HCN1: variants seen among roughly 807,000 people sequenced by gnomAD.
The protein encoded by HCN1 is hyperpolarization activated cyclic nucleotide gated potassium channel 1.
HCN1 carries 13 observed loss-of-function variants against 78.9 expected under a neutral mutation model. That is an observed-to-expected ratio of 0.16 (90% CI 0.11 to 0.26). HCN1 has a LOEUF of 0.26. HCN1 is among the 10% of genes least tolerant of loss of function. The pLI is 1.00. For missense variants in HCN1, 810 were observed against 1,154.3 expected, an observed-to-expected ratio of 0.70 and a Z score of 4.32; for synonymous variants, 552 against 455.5, an observed-to-expected ratio of 1.21 and a Z score of -2.70.
At chr5:45,506,235 T>C (rs920018111) in intron 2 of HCN1, among the ~76,000 whole-genome samples, 22 of 152,154 alleles carry the variant, frequency 1.4e-4, no homozygotes, top group African/African-American at 5.3e-4. Context: ...AAATTAATTA[T>C]GGTATTGTCA....
At chr5:45,646,957 C>CT (rs1348762150) in intron 1 of HCN1, among the ~76,000 whole-genome samples, 1 of 151,976 alleles carries the variant, frequency 6.6e-6, no homozygotes, top group Non-Finnish European at 1.5e-5. Context: ...ATGAATACTC[C>CT]TACTTAGACT....
At chr5:45,367,119 A>G (rs1412835175) in intron 4 of HCN1, among the ~76,000 whole-genome samples, 1 of 151,820 alleles carries the variant, frequency 6.6e-6, no homozygotes, top group African/African-American at 2.4e-5. Context: ...TTATTAGAAG[A>G]AAGTGCAAAG....
At chr5:45,588,052 G>A (rs1744271581) in intron 2 of HCN1, among the ~76,000 whole-genome samples, 1 of 152,132 alleles carries the variant, frequency 6.6e-6, no homozygotes, top group Non-Finnish European at 1.5e-5. Context: ...TCAGAATTGT[G>A]AGAGATACAT....
At chr5:45,319,508 C>A (rs1408934629) in intron 5 of HCN1, among the ~76,000 whole-genome samples, 3 of 151,742 alleles carry the variant, frequency 2.0e-5, no homozygotes, top group African/African-American at 7.3e-5. Context: ...AGATGAATAG[C>A]CTGTTTTGTG....
At chr5:45,266,044 C>G (rs897807935) in intron 7 of HCN1, among the ~76,000 whole-genome samples, 1 of 151,996 alleles carries the variant, frequency 6.6e-6, no homozygotes, top group Non-Finnish European at 1.5e-5. Context: ...GGGAGGGTGG[C>G]AAAGAGGGTT....
intron 5 of HCN1, among the ~76,000 whole-genome samples, chr5:45,349,676 A>AAATG (rs1746842016): frequency 6.6e-6 from 1 of 152,176 alleles, no homozygotes; most frequent in Non-Finnish European, 1.5e-5. Flanking sequence ...ATGCAACAAA[A>AAATG]AATGATAAAG....
At chr5:45,484,311 T>C (rs1311011376) in intron 2 of HCN1, among the ~76,000 whole-genome samples, 1 of 152,030 alleles carries the variant, frequency 6.6e-6, no homozygotes, top group Non-Finnish European at 1.5e-5. Flanking sequence ...GATAGGTGCC[T>C]GTAGTCCCAG....
Position 45,383,722 on chromosome 5 carries a change from CA to C in HCN1, c.1230+12769del, listed in dbSNP as rs35225342. Reference sequence around the variant, plus strand: ...AGGGTGACAGAGACAGATTCTGTTTCAAAAAAAAAAAATCCATGAAGAAATA... The same window carrying C: ...AGGGTGACAGAGACAGATTCTGTTTCAAAAAAAAAAATCCATGAAGAAATA... On this transcript the variant is annotated intron_variant, in intron 4 of 7. Coordinates refer to ENST00000303230, the MANE Select transcript of HCN1 (RefSeq NM_021072.4). Among the ~76,000 whole-genome samples the C allele has an allele frequency of 3.6e-3, 503 of 140,110 alleles. 1 individual carries two copies. The highest frequency in any genetic ancestry group is 0.012 in the East Asian group (58 of 4,848). The allele number at this position is 140,110 out of a possible 152,430, so 91.9% of individuals were successfully genotyped here.
At chr5:45,449,393 C>T (rs1445958018) in intron 3 of HCN1, among the ~76,000 whole-genome samples, 2 of 152,120 alleles carry the variant, frequency 1.3e-5, no homozygotes, top group Non-Finnish European at 2.9e-5. Flanking sequence ...TTAACTCTAA[C>T]CAACAAATTC....
intron 4 of HCN1, among the ~76,000 whole-genome samples, chr5:45,387,160 A>G (rs1442841256): frequency 1.3e-5 from 2 of 151,914 alleles, no homozygotes; most frequent in African/African-American, 2.4e-5. Flanking sequence ...TCATATATAT[A>G]TCAAAAGTTT....
chr5:45,296,172 A>T (rs1204136202), intron 6 of HCN1, among the ~76,000 whole-genome samples: 5 of 151,984 alleles, frequency 3.3e-5, no homozygotes, highest in Non-Finnish European at 7.4e-5. Flanking sequence ...GTTGGGTTAA[A>T]CAAATAACAA....
chr5:45,303,083 A>G (rs899050604), intron 6 of HCN1, among the ~76,000 whole-genome samples: 1 of 152,134 alleles, frequency 6.6e-6, no homozygotes, highest in Non-Finnish European at 1.5e-5. Flanking sequence ...TACATTTTGC[A>G]GCCTTCCTTA....
chr5:45,539,815 C>T (rs908822529), intron 2 of HCN1, among the ~76,000 whole-genome samples: 6 of 146,650 alleles, frequency 4.1e-5, no homozygotes, highest in African/African-American at 1.5e-4. Context: ...CATATGCACA[C>T]ATATACATAC....
intron 2 of HCN1, among the ~76,000 whole-genome samples, chr5:45,577,758 C>G (rs1743978269): frequency 6.6e-6 from 1 of 151,984 alleles, no homozygotes; most frequent in African/African-American, 2.4e-5. Flanking sequence ...CATGAAGTAG[C>G]TTTTCTTATA....
intron 2 of HCN1, among the ~76,000 whole-genome samples, chr5:45,496,286 A>T (rs1012682543): frequency 7.3e-5 from 11 of 149,710 alleles, no homozygotes; most frequent in Non-Finnish European, 1.5e-4. Flanking sequence ...AGAGCCTGTT[A>T]TTGGTCTATT....
At chr5:45,687,810 G>C (rs536622422) in intron 1 of HCN1, among the ~76,000 whole-genome samples, 2 of 152,086 alleles carry the variant, frequency 1.3e-5, no homozygotes, top group East Asian at 1.9e-4. Flanking sequence ...AATTTTTGCA[G>C]AGTGATTAGG....
chr5:45,338,959 C>A (rs1001308092), intron 5 of HCN1, among the ~76,000 whole-genome samples: 12 of 152,072 alleles, frequency 7.9e-5, no homozygotes, highest in Admixed American at 7.9e-4. Context: ...TAGCATTAAA[C>A]TTAGACCTTT....
chr5:45,482,750 C>G (rs1368723038), intron 2 of HCN1, among the ~76,000 whole-genome samples: 7 of 152,058 alleles, frequency 4.6e-5, no homozygotes, highest in Admixed American at 3.9e-4. Flanking sequence ...GTTTTCAACC[C>G]GCCCCTCTTC....
At chr5:45,641,061 T>G (rs766767213) in intron 2 of HCN1, among the ~76,000 whole-genome samples, 8 of 152,132 alleles carry the variant, frequency 5.3e-5, no homozygotes, top group Non-Finnish European at 7.4e-5. Flanking sequence ...AACACAGATT[T>G]GATGTGATAA....
Sources: gnomAD v4.1 joint callset for allele counts (sites outside exome capture counted in the v4.1 genomes callset) on GRCh38, gnomAD v4.1.1 for gene constraint, MANE v1.5 for transcripts, NCBI Gene and HGNC (gene_info 2026-07-23, HGNC 2026-07-21) for gene names.